Variants in MYO7B observed in about 807,000 individuals in gnomAD.
The protein encoded by MYO7B is unconventional myosin-VIIb.
MYO7B carries 212 observed loss-of-function variants against 259.7 expected under a neutral mutation model. The observed-to-expected ratio is 0.82, with a 90% confidence interval of 0.73 to 0.91. The LOEUF is 0.91. Among genes scored for constraint, MYO7B ranks in the 40% least tolerant of loss-of-function variants. The probability of loss-of-function intolerance (pLI) is 0.00; values close to 1 mark genes in which losing one functional copy is unlikely to be tolerated. For missense variants in MYO7B, 2,732 were observed against 2,813.5 expected (o/e 0.97, Z 0.66); for synonymous variants, 1,197 against 1,166.4 (o/e 1.03, Z -0.54).
intron 19 of MYO7B, among the ~76,000 whole-genome samples, chr2:127,603,287 T>C (rs1304360275): frequency 7.2e-5 from 11 of 152,208 alleles, no homozygotes; most frequent in Non-Finnish European, 1.5e-4. Flanking sequence ...TTCAATGGAC[T>C]TTGCCCAGAT....
chr2:127,593,684 A>G (rs1183081200), intron 18 of MYO7B, 40 bp downstream of exon 18: 1 of 1,580,978 alleles, frequency 6.3e-7, no homozygotes, highest in Non-Finnish European at 8.7e-7. Flanking sequence ...GGCCTCCTGC[A>G]GCATGTGGGC....
At chr2:127,633,440 C>A in intron 40 of MYO7B, 77 bp downstream of exon 40, 1 of 1,430,900 alleles carries the variant, frequency 7.0e-7, no homozygotes, top group Non-Finnish European at 9.7e-7. Flanking sequence ...CTGGCCCAGC[C>A]TGCTCCTTGG....
At chr2:127,598,163 T>G (rs953935977) in intron 19 of MYO7B, among the ~76,000 whole-genome samples, 11 of 152,284 alleles carry the variant, frequency 7.2e-5, no homozygotes, top group African/African-American at 2.6e-4. Flanking sequence ...CGGTTACAAG[T>G]TTTGTTTTTT....
At chr2:127,579,921 G>A (rs1679033170) in intron 9 of MYO7B, among the ~76,000 whole-genome samples, 1 of 152,156 alleles carries the variant, frequency 6.6e-6, no homozygotes, top group Non-Finnish European at 1.5e-5. Context: ...CACATTAAAT[G>A]CTGTTTAGGG....
chr2:127,581,839 T>A, intron 10 of MYO7B, 52 bp from the exon 11 acceptor site: 1 of 1,608,652 alleles, frequency 6.2e-7, no homozygotes, highest in South Asian at 1.1e-5. Flanking sequence ...GTCAGAGTGC[T>A]GGGCCAGGCC....
intron 1 of MYO7B, among the ~76,000 whole-genome samples, chr2:127,536,831 C>T (rs981157236): frequency 6.6e-6 from 1 of 152,184 alleles, no homozygotes; most frequent in African/African-American, 2.4e-5. Flanking sequence ...TCAGCCCACC[C>T]CATCTCCCTG....
chr2:127,560,030 CTTTTTT>C (rs59002626), intron 2 of MYO7B, among the ~76,000 whole-genome samples: 2 of 138,180 alleles, frequency 1.4e-5, no homozygotes, highest in African/African-American at 5.5e-5. Flanking sequence ...CTTTTCTTTT[CTTTTTT>C]TTTTTTTTCA....
intron 34 of MYO7B, among the ~76,000 whole-genome samples, chr2:127,629,059 C>T (rs983762005): frequency 2.0e-5 from 3 of 152,142 alleles, no homozygotes; most frequent in African/African-American, 7.2e-5. Flanking sequence ...AGCCCCAGGA[C>T]CCCCGCTGGG....
intron 1 of MYO7B, among the ~76,000 whole-genome samples, chr2:127,555,191 C>T (rs1419316931): frequency 1.3e-5 from 2 of 152,208 alleles, no homozygotes; most frequent in African/African-American, 2.4e-5. Flanking sequence ...TCGTGACCCA[C>T]TCGCCTTGGC....
At chr2:127,553,116 G>A (rs1693512131) in intron 1 of MYO7B, among the ~76,000 whole-genome samples, 1 of 152,174 alleles carries the variant, frequency 6.6e-6, no homozygotes, top group Admixed American at 6.5e-5. Flanking sequence ...CTCTCCAAGG[G>A]CTTCATCTGC....
chr2:127,575,176 CTCATT>C (rs930558842), intron 7 of MYO7B, among the ~76,000 whole-genome samples: 2 of 152,196 alleles, frequency 1.3e-5, no homozygotes, highest in Non-Finnish European at 2.9e-5. Context: ...CCTGTTTTAT[CTCATT>C]TGACCTTCAC....
At chr2:127,608,931 G>A in intron 22 of MYO7B, 53 bp downstream of exon 22, 1 of 1,565,046 alleles carries the variant, frequency 6.4e-7, no homozygotes, top group Non-Finnish European at 8.7e-7. Flanking sequence ...AGGGAAGCCT[G>A]CCCAGTCCGT....
At chr2:127,540,839 C>T (rs1692976858) in intron 1 of MYO7B, among the ~76,000 whole-genome samples, 1 of 152,176 alleles carries the variant, frequency 6.6e-6, no homozygotes, top group Non-Finnish European at 1.5e-5. Context: ...ACAGGGGCTT[C>T]TGTGGAGCTA....
rs781435823 is a variant in MYO7B, at chr2:127,624,231, C to G, written c.3958C>G (p.His1320Asp). The change falls in exon 30 of 48, where the codon CAC becomes GAC. Residue 1320 changes from histidine (H) to aspartate (D), a missense_variant. Physicochemically the swap from His to Asp is moderately conservative, Grantham distance 81. Coordinates refer to ENST00000409816, the MANE Select transcript of MYO7B (RefSeq NM_001393586.1). ...YFRKEFFTPW[H>D]DSREDPVSTE... ...CCGGAAGGAATTCTTCACCCCCTGG[C>G]ACGACTCCCGGGAGGACCCTGTCAG... 6.3e-7 allele frequency: 1 copy of G among 1,597,432 alleles called. No individual in the cohort carries two copies. Among genetic ancestry groups the G allele is most frequent in the Non-Finnish European group, 8.5e-7 (1 of 1,172,734 alleles).
rs779547021 is a variant in MYO7B, at chr2:127,584,286, C to G, written c.1508C>G (p.Pro503Arg). Reference sequence around the variant, plus strand: ...ACCCTGGACCTGCTGGCCCTCAAGCCCATGAGCATCATCTCCCTCCTGGAC... The same window carrying G: ...ACCCTGGACCTGCTGGCCCTCAAGCGCATGAGCATCATCTCCCTCCTGGAC... ...RPTLDLLALKPMSIISLLDEE... is the reference protein window; with the variant it reads ...RPTLDLLALKRMSIISLLDEE... The change falls in exon 13 of 48, where the codon CCC (proline) becomes CGC (arginine). Residue 503 changes from proline to arginine, a missense_variant. Pro to Arg is a moderately radical substitution (Grantham distance 103). This residue lies in a region of MYO7B where 1,906 missense variants were observed against 2,026.4 expected (regional missense o/e 0.94). Coordinates refer to ENST00000409816, the MANE Select transcript of MYO7B (RefSeq NM_001393586.1). The surrounding 1 kb of genome is among the most constrained non-coding windows in gnomAD (Gnocchi z 5.8). The G allele has an allele frequency of 1.2e-6, 2 of 1,613,994 alleles. No homozygotes were observed. Among genetic ancestry groups the G allele is most frequent in the Admixed American group, 3.3e-5 (2 of 60,024 alleles).
At position 127,614,245 on chromosome 2, in the gene MYO7B, C is replaced by T. The variant is rs1304816831; in HGVS notation, c.3398+1642C>T. On this transcript the variant is annotated intron_variant, in intron 26 of 47. Coordinates refer to ENST00000409816, the MANE Select transcript of MYO7B (RefSeq NM_001393586.1). This position sits in a 1 kb window ranked among gnomAD's most constrained non-coding sequence, Gnocchi z 4.6. Reference sequence around the variant, plus strand: ...CAGTGATACTGTCCAACACTGATCCCTTGAGACTTCCTACTGACTCTAGGC... The same window carrying T: ...CAGTGATACTGTCCAACACTGATCCTTTGAGACTTCCTACTGACTCTAGGC... 6.6e-6 allele frequency among the ~76,000 whole-genome samples: 1 copy of T among 152,182 alleles called. No individual in the cohort carries two copies. The highest frequency in any genetic ancestry group is 2.1e-4 in the South Asian group (1 of 4,836).
intron 26 of MYO7B, among the ~76,000 whole-genome samples, chr2:127,616,006 A>G (rs1481819097): frequency 2.6e-5 from 4 of 152,296 alleles, no homozygotes; most frequent in African/African-American, 7.2e-5. Context: ...CGTTCCCACA[A>G]TAGTAAATCT....
At position 127,626,977 on chromosome 2, in the gene MYO7B, C is replaced by A. The variant is rs1212258427; in HGVS notation, c.4218C>A (p.Ala1406=). ...TGACATCCAGGATCCCCCCTCAGGCCCCATACACTCAGAAGCAAGTCACAC... is the reference window on the plus strand; with the variant it reads ...TGACATCCAGGATCCCCCCTCAGGCACCATACACTCAGAAGCAAGTCACAC... The part of the protein sequence containing the change: ...ASLVTAACAK[A]PYTQKQVTPL... The change falls in exon 32 of 48, where the codon GCC becomes GCA. Residue 1406 remains alanine (A), a splice_region_variant and synonymous_variant. Coordinates refer to ENST00000409816, the MANE Select transcript of MYO7B (RefSeq NM_001393586.1). 6.2e-7 allele frequency: 1 copy of A among 1,610,432 alleles called. No individual in the cohort carries two copies. The highest frequency in any genetic ancestry group is 8.5e-7 in the Non-Finnish European group (1 of 1,178,594).
At position 127,623,370 on chromosome 2, in the gene MYO7B, G is replaced by C. The variant is rs376346420; in HGVS notation, c.3814G>C (p.Asp1272His). 2.5e-6 allele frequency: 4 copies of C among 1,585,612 alleles called. No homozygotes were observed. The Admixed American group carries it at 6.9e-5, about 27-fold the overall frequency. ...LGFSLQVAVY[D>H]KFWSLGSGRD... ...CTTCTCCCTCCAGGTCGCCGTGTAC[G>C]ACAAGGTACCAGCCAGGCACCCTGC... The change falls in exon 29 of 48, where the codon GAC (aspartate) becomes CAC (histidine). Residue 1272 changes from aspartate to histidine, a missense_variant. By Grantham distance (81) the Asp-to-His change is moderately conservative. This residue lies in a region of MYO7B where 1,906 missense variants were observed against 2,026.4 expected (regional missense o/e 0.94). Transcript: ENST00000409816.
Sources: allele counts gnomAD v4.1 joint callset (sites outside exome capture counted in the v4.1 genomes callset), GRCh38; gene constraint gnomAD v4.1.1; regional missense constraint gnomAD v4.1.1; non-coding constraint Gnocchi (gnomAD v3.1); transcripts MANE v1.5; gene names NCBI Gene and HGNC (gene_info 2026-07-23, HGNC 2026-07-21).